SORBS2: variants seen among roughly 807,000 people sequenced by gnomAD.
SORBS2 encodes the protein sorbin and SH3 domain containing 2.
In SORBS2, 46 loss-of-function variants were observed where a neutral mutation model predicts 97.7. The ratio of observed to expected loss-of-function variants is 0.47; its 90% CI spans 0.37 to 0.60. SORBS2 has a LOEUF of 0.60. SORBS2 is among the 20% of genes least tolerant of loss of function. The pLI is 0.00. For synonymous variants in SORBS2, 476 were observed against 473.4 expected (o/e 1.01, Z -0.07); for missense variants, 1,316 against 1,282.3 (o/e 1.03, Z -0.40).
At chr4:185,608,860 T>A (rs2096484249) in intron 12 of SORBS2, among the ~76,000 whole-genome samples, 1 of 152,198 alleles carries the variant, frequency 6.6e-6, no homozygotes, top group Non-Finnish European at 1.5e-5. Flanking sequence ...GCTGATTGTT[T>A]AGGATAACAC....
At chr4:185,655,263 C>G (rs975068346) in intron 1 of SORBS2, among the ~76,000 whole-genome samples, 20 of 152,196 alleles carry the variant, frequency 1.3e-4, no homozygotes, top group Admixed American at 1.0e-3. Flanking sequence ...TCTGTTTCCT[C>G]GGCATAGGCT....
intron 1 of SORBS2, among the ~76,000 whole-genome samples, chr4:185,871,565 A>G (rs1302398953): frequency 1.3e-5 from 2 of 152,260 alleles, no homozygotes; most frequent in African/African-American, 4.8e-5. Context: ...AAAATTCTCA[A>G]GACATGCAGG....
intron 1 of SORBS2, among the ~76,000 whole-genome samples, chr4:185,861,443 A>G (rs750234442): frequency 6.6e-6 from 1 of 151,888 alleles, no homozygotes; most frequent in Non-Finnish European, 1.5e-5. Flanking sequence ...AAAGGAAGCT[A>G]GTGTAGGTGG....
At chr4:185,845,989 A>T (rs1347675685) in intron 1 of SORBS2, among the ~76,000 whole-genome samples, 1 of 152,236 alleles carries the variant, frequency 6.6e-6, no homozygotes, top group African/African-American at 2.4e-5. Context: ...TCCTTGGAAG[A>T]TCGTTTCTGA....
intron 1 of SORBS2, among the ~76,000 whole-genome samples, chr4:185,894,549 A>G (rs1027584802): frequency 7.2e-5 from 11 of 152,182 alleles, no homozygotes; most frequent in East Asian, 3.9e-4. Context: ...CAATTACATC[A>G]CATGTTACAC....
At chr4:185,893,455 G>C (rs1290620680) in intron 1 of SORBS2, among the ~76,000 whole-genome samples, 1 of 152,208 alleles carries the variant, frequency 6.6e-6, no homozygotes, top group Non-Finnish European at 1.5e-5. Flanking sequence ...GATACTGGGA[G>C]ACCCGGGCCC....
chr4:185,683,822 G>A (rs2097910113), intron 2 of SORBS2, among the ~76,000 whole-genome samples: 1 of 152,150 alleles, frequency 6.6e-6, no homozygotes, highest in Non-Finnish European at 1.5e-5. Context: ...GAATTAAGTG[G>A]CTGTAAAGCG....
At chr4:185,792,874 G>C (rs778905483) in intron 1 of SORBS2, among the ~76,000 whole-genome samples, 1 of 152,200 alleles carries the variant, frequency 6.6e-6, no homozygotes, top group African/African-American at 2.4e-5. Flanking sequence ...GAATGTGGCC[G>C]ACTCAAGCTG....
At chr4:185,685,285 T>A (rs950695816) in intron 2 of SORBS2, among the ~76,000 whole-genome samples, 13 of 152,184 alleles carry the variant, frequency 8.5e-5, no homozygotes, top group African/African-American at 3.1e-4. Context: ...CATTTAAGTT[T>A]TACCATCTTC....
At chr4:185,665,962 G>A in intron 4 of SORBS2, 1 of 1,251,446 alleles carries the variant, frequency 8.0e-7, no homozygotes. Context: ...TTCTGGAGCT[G>A]GGAGCAGGTG....
chr4:185,890,228 T>C (rs1231687086), intron 1 of SORBS2, among the ~76,000 whole-genome samples: 1 of 152,242 alleles, frequency 6.6e-6, no homozygotes, highest in African/African-American at 2.4e-5. Flanking sequence ...ATCACTTTTT[T>C]GTATAAAATC....
intron 1 of SORBS2, among the ~76,000 whole-genome samples, chr4:185,922,455 C>T (rs773610218): frequency 6.6e-5 from 10 of 152,212 alleles, no homozygotes; most frequent in Non-Finnish European, 1.3e-4. Context: ...GCTCTTATAA[C>T]TCACATTCAT....
intron 1 of SORBS2, among the ~76,000 whole-genome samples, chr4:185,849,527 C>G (rs3796646): frequency 0.54 from 81,702 of 150,392 alleles, 22,652 homozygotes; most frequent in East Asian, 0.78. Context: ...TAAGTCCACT[C>G]CAGTGCAGAT....
intron 4 of SORBS2, among the ~76,000 whole-genome samples, chr4:185,675,743 A>G (rs530415417): frequency 1.3e-5 from 2 of 152,216 alleles, no homozygotes; most frequent in African/African-American, 4.8e-5. Flanking sequence ...TATTATTATT[A>G]TCATCTGATT....
intron 1 of SORBS2, among the ~76,000 whole-genome samples, chr4:185,654,132 T>C (rs1186549489): frequency 6.6e-6 from 1 of 152,146 alleles, no homozygotes; most frequent in Admixed American, 6.5e-5. Context: ...CTTGACTTCG[T>C]TATGAGTCAG....
intron 4 of SORBS2, among the ~76,000 whole-genome samples, chr4:185,640,451 A>G (rs1345745029): frequency 6.6e-6 from 1 of 152,182 alleles, no homozygotes; most frequent in Non-Finnish European, 1.5e-5. Flanking sequence ...AAATAAATTC[A>G]GAGAGAACAT....
At chr4:185,798,674 GTA>G (rs1271776399) in intron 1 of SORBS2, among the ~76,000 whole-genome samples, 1 of 152,114 alleles carries the variant, frequency 6.6e-6, no homozygotes, top group African/African-American at 2.4e-5. Context: ...TCGAAAGCTA[GTA>G]TATATGCTTA....
chr4:185,758,325 G>T (rs1251979010), intron 2 of SORBS2, among the ~76,000 whole-genome samples: 1 of 152,070 alleles, frequency 6.6e-6, no homozygotes, highest in Non-Finnish European at 1.5e-5. Context: ...CATCTTTCTT[G>T]ATTGCACCTC....
chr4:185,760,528 G>A (rs1461750071), intron 2 of SORBS2, among the ~76,000 whole-genome samples: 7 of 152,112 alleles, frequency 4.6e-5, no homozygotes, highest in South Asian at 2.1e-4. Context: ...GCGCCATTGC[G>A]CTCCAGCCTG....
Sources: gnomAD v4.1 joint callset for allele counts (sites outside exome capture counted in the v4.1 genomes callset) on GRCh38, gnomAD v4.1.1 for gene constraint, MANE v1.5 for transcripts, NCBI Gene and HGNC (gene_info 2026-07-23, HGNC 2026-07-21) for gene names.